Variants in FARS2 observed in about 807,000 individuals in gnomAD.
FARS2 encodes phenylalanyl-tRNA synthetase 2, mitochondrial, also known as phenylalanine--tRNA ligase, mitochondrial.
A neutral mutation model predicts 46.4 loss-of-function variants in FARS2; 40 were observed. The ratio of observed to expected loss-of-function variants is 0.86; its 90% CI spans 0.67 to 1.12. FARS2 has a LOEUF of 1.12. Among genes scored for constraint, FARS2 ranks in the 50% most tolerant of loss-of-function variants. The pLI is 0.00. For synonymous variants in FARS2, 234 were observed against 214.9 expected, an observed-to-expected ratio of 1.09 and a Z score of -0.78; for missense variants, 513 against 567.9, an observed-to-expected ratio of 0.90 and a Z score of 0.98.
At chr6:5,577,365 TG>T (rs1462919162) in intron 5 of FARS2, among the ~76,000 whole-genome samples, 1 of 152,126 alleles carries the variant, frequency 6.6e-6, no homozygotes, top group African/African-American at 2.4e-5. Context: ...TGAGTGTGTG[TG>T]TGTGTGTGTC....
intron 4 of FARS2, among the ~76,000 whole-genome samples, chr6:5,470,130 A>G (rs964429445): frequency 5.3e-5 from 8 of 152,214 alleles, no homozygotes; most frequent in African/African-American, 1.9e-4. Context: ...TTAATTTTTG[A>G]TAAAGAAGCA....
At chr6:5,265,547 C>T (rs1445926756) in intron 1 of FARS2, among the ~76,000 whole-genome samples, 4 of 152,154 alleles carry the variant, frequency 2.6e-5, no homozygotes, top group African/African-American at 9.7e-5. Flanking sequence ...GACTTTGAAT[C>T]CTATATTCCA....
intron 6 of FARS2, among the ~76,000 whole-genome samples, chr6:5,691,456 C>G (rs1757709658): frequency 6.6e-6 from 1 of 152,174 alleles, no homozygotes; most frequent in African/African-American, 2.4e-5. Flanking sequence ...GAGGTCCACT[C>G]CAGACCGTGT....
At chr6:5,659,957 C>A (rs748293551) in intron 6 of FARS2, among the ~76,000 whole-genome samples, 2 of 152,190 alleles carry the variant, frequency 1.3e-5, no homozygotes, top group African/African-American at 4.8e-5. Flanking sequence ...GGGAAACCCG[C>A]TTTACTACCT....
rs540031866 is a variant in FARS2 at position 5,302,688 on chromosome 6, C to T, written c.-22+41028C>T. ...GGCTGTGAACCAGGCAGTGTGGCTT[C>T]GGTACCAAGGTATGAAATTACTGTG... On this transcript the variant is annotated intron_variant, in intron 1 of 6. Coordinates refer to ENST00000274680, the MANE Select transcript of FARS2 (RefSeq NM_006567.5). Among the ~76,000 whole-genome samples the T allele has an allele frequency of 3.9e-5, 6 of 152,276 alleles. No homozygotes were observed. In the South Asian group the frequency reaches 6.2e-4, roughly 16 times the overall value.
At chr6:5,626,380 G>C (rs1260889215) in intron 6 of FARS2, among the ~76,000 whole-genome samples, 1 of 152,104 alleles carries the variant, frequency 6.6e-6, no homozygotes, top group Non-Finnish European at 1.5e-5. Flanking sequence ...TAGGTCCCAG[G>C]GGGTGTCCAC....
chr6:5,692,109 G>C lies in FARS2; in HGVS notation c.1217+78789G>C, dbSNP rs1199482826. Among the ~76,000 whole-genome samples, 5 of 152,236 alleles carry C rather than the reference G, an allele frequency of 3.3e-5. No individual in the cohort carries two copies. In the South Asian group the frequency reaches 6.2e-4, roughly 19 times the overall value. On this transcript the variant is annotated intron_variant, in intron 6 of 6. Transcript: ENST00000274680. Reference sequence around the variant, plus strand: ...GTCACCCCTTTCTTTGACTAGGAAAGGGAATTCCCTGACCCCTTGTGCTTC... The same window carrying C: ...GTCACCCCTTTCTTTGACTAGGAAACGGAATTCCCTGACCCCTTGTGCTTC...
At chr6:5,388,007 C>G (rs377612389) in intron 2 of FARS2, among the ~76,000 whole-genome samples, 10 of 152,242 alleles carry the variant, frequency 6.6e-5, no homozygotes, top group African/African-American at 2.4e-4. Context: ...CTTATATTAG[C>G]ATGGTACATT....
chr6:5,267,827 A>C (rs1322499159), intron 1 of FARS2, among the ~76,000 whole-genome samples: 1 of 151,932 alleles, frequency 6.6e-6, no homozygotes, highest in Non-Finnish European at 1.5e-5. Flanking sequence ...CAACAGTGTA[A>C]AAGTATTCCT....
At chr6:5,353,726 GTTTTTTTTTTTT>G (rs55998904) in intron 1 of FARS2, among the ~76,000 whole-genome samples, 4 of 40,362 alleles carry the variant, frequency 9.9e-5, no homozygotes, top group Middle Eastern at 0.016. Context: ...AATATTTGGT[GTTTTTTTTTTTT>G]TTTTTTTTTT....
rs1426386171 is a variant in FARS2, at chr6:5,771,419, G to A, written c.1346G>A (p.Gly449Asp). ...GCAGTCCAGCTGTTGGGTGTGGAGG[G>A]CAGGTTCTGATGTCACCACTTCACT... ...EAAVQLLGVEGRF is the reference protein window; with the variant it reads ...EAAVQLLGVEDRF Residue 449 changes from glycine to aspartate, a missense_variant, in exon 7 of 7, where the codon GGC (glycine) becomes GAC (aspartate). Physicochemically the swap from Gly to Asp is moderately conservative, Grantham distance 94. Transcript: ENST00000274680. The A allele has an allele frequency of 6.2e-7, 1 of 1,613,840 alleles. No individual in the cohort carries two copies.
At chr6:5,404,990 G>C (rs909609078) in intron 3 of FARS2, among the ~76,000 whole-genome samples, 1 of 151,698 alleles carries the variant, frequency 6.6e-6, no homozygotes, top group African/African-American at 2.4e-5. Context: ...GTAGAGACAG[G>C]GTTTTACCAT....
intron 6 of FARS2, among the ~76,000 whole-genome samples, chr6:5,760,639 C>T (rs1762432119): frequency 1.3e-5 from 2 of 152,178 alleles, no homozygotes; most frequent in Admixed American, 6.5e-5. Flanking sequence ...CCCTCCCTGC[C>T]GCATCCCAGC....
chr6:5,540,913 T>C (rs1770589071), intron 4 of FARS2, among the ~76,000 whole-genome samples: 2 of 152,190 alleles, frequency 1.3e-5, no homozygotes, highest in African/African-American at 2.4e-5. Flanking sequence ...CAAGGACATA[T>C]GATGTTTAGA....
At chr6:5,615,670 G>A (rs1254842192) in intron 6 of FARS2, among the ~76,000 whole-genome samples, 1 of 152,034 alleles carries the variant, frequency 6.6e-6, no homozygotes, top group Non-Finnish European at 1.5e-5. Flanking sequence ...TGTCAGTGGT[G>A]TGCATATGAT....
At chr6:5,415,142 G>A (rs750147182) in intron 3 of FARS2, among the ~76,000 whole-genome samples, 3 of 151,088 alleles carry the variant, frequency 2.0e-5, no homozygotes, top group African/African-American at 2.4e-5. Flanking sequence ...AGAAACTGTC[G>A]AACTGTTCAA....
chr6:5,341,219 A>ATATC (rs1561969944), intron 1 of FARS2, among the ~76,000 whole-genome samples: 26 of 5,000 alleles, frequency 5.2e-3, no homozygotes, highest in African/African-American at 0.019. Context: ...ATATATATAT[A>ATATC]TATATATATA....
At chr6:5,415,057 T>G (rs13205953) in intron 3 of FARS2, among the ~76,000 whole-genome samples, 1 of 151,838 alleles carries the variant, frequency 6.6e-6, no homozygotes, top group South Asian at 2.1e-4. Flanking sequence ...GACCTCATGA[T>G]GCACCTGCCT....
chr6:5,499,157 G>A (rs1003963194), intron 4 of FARS2, among the ~76,000 whole-genome samples: 6 of 152,170 alleles, frequency 3.9e-5, no homozygotes, highest in Non-Finnish European at 7.3e-5. Flanking sequence ...TCTTGGGCGA[G>A]GCGTGTATCG....
Sources: allele counts gnomAD v4.1 joint callset (sites outside exome capture counted in the v4.1 genomes callset), GRCh38; gene constraint gnomAD v4.1.1; transcripts MANE v1.5; gene names NCBI Gene and HGNC (gene_info 2026-07-23, HGNC 2026-07-21).